The following CYRIA variants were observed in gnomAD, a reference collection of about 807,000 sequenced individuals.
CYRIA encodes CYFIP-related Rac1 interactor A.
In CYRIA, 15 loss-of-function variants were observed where a neutral mutation model predicts 43.9. The ratio of observed to expected loss-of-function variants is 0.34; its 90% CI spans 0.23 to 0.53. The LOEUF is 0.53. Ranked by LOEUF, CYRIA falls within the 20% of genes least tolerant of loss-of-function variation. The probability of loss-of-function intolerance (pLI) is 0.94; values close to 1 mark genes in which losing one functional copy is unlikely to be tolerated. For missense variants in CYRIA, 236 were observed against 394.2 expected (o/e 0.60, Z 3.40); for synonymous variants, 117 against 136.0 (o/e 0.86, Z 0.97).
At chr2:16,617,594 G>T (rs1668848017) in intron 2 of CYRIA, among the ~76,000 whole-genome samples, 1 of 152,290 alleles carries the variant, frequency 6.6e-6, no homozygotes, top group African/African-American at 2.4e-5. Flanking sequence ...CTGCAGCCAG[G>T]AGGGTAGGGT....
chr2:16,626,960 G>A (rs1669187862), intron 1 of CYRIA, among the ~76,000 whole-genome samples: 1 of 152,346 alleles, frequency 6.6e-6, no homozygotes, highest in Non-Finnish European at 1.5e-5. Context: ...GTACAAAGCT[G>A]AGGGGTAATC....
At chr2:16,571,399 T>C (rs576077776) in intron 3 of CYRIA, among the ~76,000 whole-genome samples, 15 of 152,322 alleles carry the variant, frequency 9.8e-5, no homozygotes, top group African/African-American at 3.1e-4. Context: ...TGCTTTGTTT[T>C]TGGGGAAGGT....
At chr2:16,627,255 GTCCCC>G (rs1669200288) in intron 1 of CYRIA, among the ~76,000 whole-genome samples, 3 of 146,918 alleles carry the variant, frequency 2.0e-5, no homozygotes, top group African/African-American at 7.9e-5. Context: ...CAAAGACTGT[GTCCCC>G]ACCCTCCGGG....
At chr2:16,571,773 G>T (rs1426792356) in intron 3 of CYRIA, among the ~76,000 whole-genome samples, 2 of 152,082 alleles carry the variant, frequency 1.3e-5, no homozygotes, top group Non-Finnish European at 2.9e-5. Flanking sequence ...ATTAAATTCT[G>T]CCCTTCTTTC....
In CYRIA at chr2:16,552,836, T is replaced by C. The variant is rs1389323308; in HGVS notation, c.*100A>G. The C allele has an allele frequency of 2.4e-5, 19 of 784,504 alleles. No individual in the cohort carries two copies. The highest frequency in any genetic ancestry group is 2.3e-4 in the Admixed American group (12 of 51,220). The allele number at this position is 784,504 out of a possible 1,614,324, so 48.6% of individuals were successfully genotyped here. A position where few individuals can be genotyped will look rare whatever the true frequency, so the allele number is the denominator to read the frequency against. ...TATTTCAGTGACAAGAAGGAAACGG[T>C]TATGTAAATACACAAGTATTAACAT... is the stretch of plus-strand genomic sequence containing the variant. On this transcript the variant is annotated 3_prime_UTR_variant, in exon 12 of 12. Coordinates refer to ENST00000381323, the MANE Select transcript of CYRIA (RefSeq NM_030797.4).
At chr2:16,656,454 A>G (rs1245984424) in intron 1 of CYRIA, among the ~76,000 whole-genome samples, 1 of 152,184 alleles carries the variant, frequency 6.6e-6, no homozygotes, top group African/African-American at 2.4e-5. Flanking sequence ...GCTGATGTGA[A>G]CCATATTTAC....
intron 1 of CYRIA, among the ~76,000 whole-genome samples, chr2:16,656,159 A>G (rs922497043): frequency 7.9e-5 from 12 of 151,958 alleles, no homozygotes; most frequent in Admixed American, 3.3e-4. Flanking sequence ...GCACATGTAC[A>G]CGCTTACACA....
intron 10 of CYRIA, among the ~76,000 whole-genome samples, chr2:16,557,478 A>G (rs1412787250): frequency 6.6e-6 from 1 of 152,054 alleles, no homozygotes; most frequent in Non-Finnish European, 1.5e-5. Flanking sequence ...ATGATTTACG[A>G]GCCCAGTGAC....
chr2:16,571,899 TACTA>T (rs1230777721), intron 3 of CYRIA, among the ~76,000 whole-genome samples: 5 of 152,174 alleles, frequency 3.3e-5, no homozygotes, highest in Non-Finnish European at 5.9e-5. Flanking sequence ...TATAGCACAA[TACTA>T]ACTGTTTATG....
chr2:16,649,399 G>T (rs1328497868), intron 1 of CYRIA, among the ~76,000 whole-genome samples: 2 of 152,108 alleles, frequency 1.3e-5, no homozygotes, highest in Non-Finnish European at 2.9e-5. Context: ...TACAGTACAG[G>T]GGATGGTTGT....
rs1481653420 is a variant in CYRIA, at chr2:16,626,664, T to C, written c.-166-2645A>G. On this transcript the variant is annotated intron_variant, in intron 1 of 11. Transcript: ENST00000381323. ...CTGTGTGAGTCACCCCGGGGCCAAGTGTCCATTAGGGAGAACAGAGAGCAA... is the reference window on the plus strand; with the variant it reads ...CTGTGTGAGTCACCCCGGGGCCAAGCGTCCATTAGGGAGAACAGAGAGCAA... Among the ~76,000 whole-genome samples the C allele has an allele frequency of 3.9e-5, 6 of 152,152 alleles. 1 individual carries two copies. The highest frequency in any genetic ancestry group is 3.9e-4 in the Admixed American group (6 of 15,284).
chr2:16,617,166 G>A (rs1056401143), intron 2 of CYRIA, among the ~76,000 whole-genome samples: 8 of 152,214 alleles, frequency 5.3e-5, no homozygotes, highest in South Asian at 2.1e-4. Flanking sequence ...TCAAGCCTTC[G>A]GGTCTGGAGA....
chr2:16,640,518 G>A (rs1321155766), intron 1 of CYRIA, among the ~76,000 whole-genome samples: 1 of 152,220 alleles, frequency 6.6e-6, no homozygotes, highest in Non-Finnish European at 1.5e-5. Flanking sequence ...AAATGGGCAG[G>A]CAGCCTGCCT....
rs549857982 is a variant in CYRIA, at chr2:16,655,292, G to A, written c.-167+10488C>T. On this transcript the variant is annotated intron_variant, in intron 1 of 11. Transcript: ENST00000381323. ...TTGGGGTGTGGGGCCTAGTGTGTGG[G>A]CTTGCCTCACCAACCCAGGAATGGC... Among the ~76,000 whole-genome samples, 11 of 152,302 alleles carry A rather than the reference G, an allele frequency of 7.2e-5. No individual in the cohort carries two copies. In the South Asian group the frequency reaches 1.7e-3, roughly 23 times the overall value.
chr2:16,642,116 C>T (rs1353800996), intron 1 of CYRIA, among the ~76,000 whole-genome samples: 2 of 152,108 alleles, frequency 1.3e-5, no homozygotes, highest in African/African-American at 2.4e-5. Context: ...GTGATCTTGC[C>T]TTAGTTTCAC....
intron 1 of CYRIA, among the ~76,000 whole-genome samples, chr2:16,658,236 CTA>C (rs1670166962): frequency 6.6e-6 from 1 of 152,064 alleles, no homozygotes; most frequent in Non-Finnish European, 1.5e-5. Context: ...GAGGGGTTGA[CTA>C]TGTGGGGCTT....
chr2:16,556,099 T>C (rs1186899214), intron 10 of CYRIA, among the ~76,000 whole-genome samples: 1 of 152,106 alleles, frequency 6.6e-6, no homozygotes, highest in Non-Finnish European at 1.5e-5. Flanking sequence ...CTGTTATATA[T>C]TGGATTTGGT....
At chr2:16,583,135 C>T (rs777005862) in intron 3 of CYRIA, among the ~76,000 whole-genome samples, 2 of 152,112 alleles carry the variant, frequency 1.3e-5, no homozygotes, top group Admixed American at 6.5e-5. Flanking sequence ...TTTTCATGTG[C>T]TTATTGGCCA....
At chr2:16,661,810 C>T (rs1670263417) in intron 1 of CYRIA, among the ~76,000 whole-genome samples, 1 of 152,122 alleles carries the variant, frequency 6.6e-6, no homozygotes, top group Non-Finnish European at 1.5e-5. Context: ...CTGGTCCTGC[C>T]ACTTCCTAGC....
Sources: allele counts gnomAD v4.1 joint callset (sites outside exome capture counted in the v4.1 genomes callset), GRCh38; gene constraint gnomAD v4.1.1; transcripts MANE v1.5; gene names NCBI Gene and HGNC (gene_info 2026-07-23, HGNC 2026-07-21).